CPNE5: variants seen among roughly 807,000 people sequenced by gnomAD.
The protein encoded by CPNE5 is copine 5, also known as copine-5.
In CPNE5, 42 loss-of-function variants were observed where a neutral mutation model predicts 81.1. That is an observed-to-expected ratio of 0.52 (90% CI 0.40 to 0.67). The LOEUF is 0.67. CPNE5 is among the 30% of genes least tolerant of loss of function. The pLI, the probability that CPNE5 is intolerant of heterozygous loss-of-function variation, is 0.00. For synonymous variants in CPNE5, 313 were observed against 321.5 expected (o/e 0.97, Z 0.28); for missense variants, 612 against 815.5 (o/e 0.75, Z 3.04).
chr6:36,812,623 TTTAAAGCCCTGACCC>T (rs1373390986), intron 3 of CPNE5, among the ~76,000 whole-genome samples: 1 of 152,144 alleles, frequency 6.6e-6, no homozygotes, highest in Non-Finnish European at 1.5e-5. Context: ...CAAAGCAGGT[TTTAAAGCCCTGACCC>T]TAAGACTGTG....
chr6:36,813,269 G>A (rs1554126258), intron 3 of CPNE5, among the ~76,000 whole-genome samples: 1 of 152,188 alleles, frequency 6.6e-6, no homozygotes, highest in Non-Finnish European at 1.5e-5. Context: ...GGTGGCCCAC[G>A]CCTGTAATCC....
chr6:36,832,629 G>T (rs1352051631), intron 1 of CPNE5, among the ~76,000 whole-genome samples: 1 of 149,558 alleles, frequency 6.7e-6, no homozygotes, highest in East Asian at 1.9e-4. Context: ...GATAAAGTGA[G>T]CTGACAAAGT....
chr6:36,792,596 C>A, intron 7 of CPNE5: 1 of 425,620 alleles, frequency 2.3e-6, no homozygotes, highest in South Asian at 1.7e-5. Context: ...GCAGCTTGCC[C>A]AGGCTCCTTC....
chr6:36,818,898 C>T (rs1040029071), intron 3 of CPNE5, among the ~76,000 whole-genome samples: 9 of 152,224 alleles, frequency 5.9e-5, no homozygotes, highest in Admixed American at 5.9e-4. Context: ...CCACACTTTC[C>T]TTCATGAATC....
chr6:36,781,215 AC>A (rs1768010377), intron 8 of CPNE5, among the ~76,000 whole-genome samples: 1 of 152,076 alleles, frequency 6.6e-6, no homozygotes, highest in Admixed American at 6.6e-5. Context: ...ATCATCGCCC[AC>A]CAGACAGGGA....
intron 4 of CPNE5, among the ~76,000 whole-genome samples, chr6:36,799,488 G>A (rs1452241255): frequency 1.3e-5 from 2 of 152,170 alleles, no homozygotes; most frequent in Non-Finnish European, 2.9e-5. Context: ...TTTAATGTCA[G>A]GAGAAAGGCA....
chr6:36,750,040 G>A (rs527758037), intron 14 of CPNE5, among the ~76,000 whole-genome samples: 85 of 152,332 alleles, frequency 5.6e-4, no homozygotes, highest in Non-Finnish European at 8.4e-4. Context: ...CCCCAGAAAT[G>A]CCAATTGAGT....
At chr6:36,825,613 C>T (rs567582482) in intron 1 of CPNE5, among the ~76,000 whole-genome samples, 6 of 152,292 alleles carry the variant, frequency 3.9e-5, no homozygotes, top group South Asian at 2.1e-4. Flanking sequence ...ATCAGATGAA[C>T]GATAAACAAG....
At chr6:36,772,727 G>A (rs529586156) in intron 10 of CPNE5, among the ~76,000 whole-genome samples, 2 of 152,330 alleles carry the variant, frequency 1.3e-5, no homozygotes, top group East Asian at 1.9e-4. Flanking sequence ...GGGTTTCTTC[G>A]GAGTGTAACA....
At position 36,746,331 on chromosome 6, in the gene CPNE5, A is replaced by ACCC; in HGVS notation, c.1200+62_1200+64dup. 1 of 594,106 alleles carries ACCC rather than the reference A, an allele frequency of 1.7e-6. No homozygotes were observed. The highest frequency in any genetic ancestry group is 2.4e-6 in the Non-Finnish European group (1 of 416,890). The allele number at this position is 594,106 out of a possible 1,614,324, so 36.8% of individuals were successfully genotyped here. A position where few individuals can be genotyped will look rare whatever the true frequency, so the allele number is the denominator to read the frequency against. On this transcript the variant is annotated intron_variant, in intron 16 of 20. Coordinates refer to ENST00000244751, the MANE Select transcript of CPNE5 (RefSeq NM_020939.2). The surrounding 1 kb of genome is among the most constrained non-coding windows in gnomAD (Gnocchi z 4.5). Reference sequence around the variant, plus strand: ...CTCAGAGGAAGGGAAACGTCCCCCCACCCCCAGCTTGTCACCTCACCCCCA... The same window carrying ACCC: ...CTCAGAGGAAGGGAAACGTCCCCCCACCCCCCCCAGCTTGTCACCTCACCCCCA...
chr6:36,790,026 A>G (rs4711465), intron 8 of CPNE5, among the ~76,000 whole-genome samples: 57,950 of 151,958 alleles, frequency 0.38, 11,567 homozygotes, highest in South Asian at 0.57. Context: ...TTGTAACACC[A>G]CAGTCCAGTG....
chr6:36,834,133 C>T (rs760078568), intron 1 of CPNE5, among the ~76,000 whole-genome samples: 26 of 150,912 alleles, frequency 1.7e-4, no homozygotes, highest in Non-Finnish European at 3.4e-4. Context: ...TGTGTGTGCG[C>T]CTGTAGTCCT....
rs143779982 is a variant in CPNE5, at chr6:36,796,339, C to T, written c.405-1690G>A. 3.1e-3 allele frequency among the ~76,000 whole-genome samples: 466 copies of T among 152,358 alleles called. 5 individuals are homozygous for T. Among genetic ancestry groups the T allele is most frequent in the African/African-American group, 0.011 (446 of 41,592 alleles). ...GTCTCCCTCAATACTCCCCCACCCC[C>T]AGAGGGTGTTTCCTGTCACCAACGG... On this transcript the variant is annotated intron_variant, in intron 6 of 20. Coordinates refer to ENST00000244751, the MANE Select transcript of CPNE5 (RefSeq NM_020939.2).
chr6:36,838,746 T>C (rs993668375), intron 1 of CPNE5: 10 of 983,122 alleles, frequency 1.0e-5, no homozygotes, highest in Admixed American at 6.2e-5. Flanking sequence ...GATTTCGTTG[T>C]TGATAGAGAT....
intron 3 of CPNE5, among the ~76,000 whole-genome samples, chr6:36,818,503 C>T (rs1020994609): frequency 6.6e-6 from 1 of 152,158 alleles, no homozygotes; most frequent in Non-Finnish European, 1.5e-5. Flanking sequence ...ACCAGGAAGG[C>T]CCCAAACACT....
intron 3 of CPNE5, among the ~76,000 whole-genome samples, chr6:36,820,332 A>ATT (rs1771927255): frequency 1.8e-5 from 2 of 109,576 alleles, no homozygotes; most frequent in African/African-American, 6.7e-5. Flanking sequence ...TTCCTAATCC[A>ATT]TTCTTTTTTT....
Position 36,766,390 on chromosome 6 carries a change from G to A in CPNE5, c.738-1014C>T, listed in dbSNP as rs988614586. Among the ~76,000 whole-genome samples, 15 of 152,198 alleles carry A rather than the reference G, an allele frequency of 9.9e-5. No homozygotes were observed. Among genetic ancestry groups the A allele is most frequent in the Admixed American group, 9.2e-4 (14 of 15,282 alleles). On this transcript the variant is annotated intron_variant, in intron 10 of 20. Coordinates refer to ENST00000244751, the MANE Select transcript of CPNE5 (RefSeq NM_020939.2). The surrounding 1 kb of genome is among the most constrained non-coding windows in gnomAD (Gnocchi z 4.2). Reference sequence around the variant, plus strand: ...ACCAAGGGTAGGCGACAGATCCACCGCAGCAGGGCAGAAACTGTTCTGAAT... The same window carrying A: ...ACCAAGGGTAGGCGACAGATCCACCACAGCAGGGCAGAAACTGTTCTGAAT...
At chr6:36,831,028 G>A (rs550962795) in intron 1 of CPNE5, among the ~76,000 whole-genome samples, 2 of 151,972 alleles carry the variant, frequency 1.3e-5, no homozygotes, top group African/African-American at 4.8e-5. Flanking sequence ...TCTTCACGAT[G>A]ACCAGAATTC....
chr6:36,800,779 GCTCACTTGAT>G (rs2150530943), intron 3 of CPNE5, among the ~76,000 whole-genome samples: 1 of 152,326 alleles, frequency 6.6e-6, no homozygotes, highest in South Asian at 2.1e-4. Context: ...TGTCTTGCTT[GCTCACTTGAT>G]AAAACCAGCT....
Sources: allele counts gnomAD v4.1 joint callset (sites outside exome capture counted in the v4.1 genomes callset), GRCh38; gene constraint gnomAD v4.1.1; non-coding constraint Gnocchi (gnomAD v3.1); transcripts MANE v1.5; gene names NCBI Gene and HGNC (gene_info 2026-07-23, HGNC 2026-07-21).